PEX7: variants seen among roughly 807,000 people sequenced by gnomAD.
PEX7 encodes PTS2 receptor.
In PEX7, 34 loss-of-function variants were observed where a neutral mutation model predicts 47.5. The ratio of observed to expected loss-of-function variants is 0.72; its 90% CI spans 0.54 to 0.95. The LOEUF (loss-of-function observed/expected upper bound fraction) is 0.95, where lower values mean the gene tolerates loss of function less well. PEX7 is among the 40% of genes least tolerant of loss of function. The pLI is 0.00. For missense variants in PEX7, 394 were observed against 400.3 expected (o/e 0.98, Z 0.13); for synonymous variants, 141 against 148.8 (o/e 0.95, Z 0.38).
intron 3 of PEX7, among the ~76,000 whole-genome samples, chr6:136,843,491 G>T (rs572561423): frequency 1.1e-4 from 17 of 152,284 alleles, no homozygotes; most frequent in African/African-American, 4.1e-4. Context: ...GCTGCTTGGT[G>T]TGTGCTATAA....
chr6:136,899,419 T>G (rs919061061), intron 9 of PEX7, among the ~76,000 whole-genome samples: 6 of 152,144 alleles, frequency 3.9e-5, no homozygotes, highest in African/African-American at 1.4e-4. Context: ...ATTTTTTGTA[T>G]TTTTAGTAGA....
rs375102150 is a variant in PEX7 at position 136,866,604 on chromosome 6, G to T, written c.527-23G>T. 17 of 1,588,734 alleles carry T rather than the reference G, an allele frequency of 1.1e-5. No homozygotes were observed. The African/African-American group carries it at 1.7e-4, about 16-fold the overall frequency. On this transcript the variant is annotated intron_variant, in intron 5 of 9. Coordinates refer to ENST00000318471, the MANE Select transcript of PEX7 (RefSeq NM_000288.4). ...ACATTCAAGTGGTGTGATGGGAAAT[G>T]ATCAAGTCTTCCTTTTTACTAGGTG...
At chr6:136,890,920 C>T (rs1013614126) in intron 8 of PEX7, among the ~76,000 whole-genome samples, 1 of 152,124 alleles carries the variant, frequency 6.6e-6, no homozygotes, top group Non-Finnish European at 1.5e-5. Context: ...TATTCTTATC[C>T]TTAAGATAGT....
intron 3 of PEX7, among the ~76,000 whole-genome samples, chr6:136,842,876 G>A (rs964842231): frequency 4.6e-5 from 7 of 152,140 alleles, no homozygotes; most frequent in Admixed American, 3.3e-4. Flanking sequence ...GGCTTATTTC[G>A]TAAGGGATGT....
At chr6:136,868,886 C>T (rs1391831252) in intron 6 of PEX7, among the ~76,000 whole-genome samples, 1 of 152,064 alleles carries the variant, frequency 6.6e-6, no homozygotes, top group African/African-American at 2.4e-5. Context: ...AGATAAGAGA[C>T]TCACCACTAT....
rs187899052 is a variant in PEX7, at chr6:136,864,178, G to T, written c.527-2449G>T. 2.0e-4 allele frequency among the ~76,000 whole-genome samples: 31 copies of T among 152,146 alleles called. 1 individual carries two copies. In the East Asian group the frequency reaches 5.4e-3, roughly 27 times the overall value. ...CCAAATTCCTACTTTATGTAGTTGT[G>T]ATGTTTTTAGAAAAAATATGTATAA... On this transcript the variant is annotated intron_variant, in intron 5 of 9. Coordinates refer to ENST00000318471, the MANE Select transcript of PEX7 (RefSeq NM_000288.4).
At chr6:136,850,993 TTTTAA>T in intron 5 of PEX7, among the ~76,000 whole-genome samples, 33 of 101,366 alleles carry the variant, frequency 3.3e-4, no homozygotes, top group Middle Eastern at 4.4e-3. Context: ...TTTTTTTTAT[TTTTAA>T]TTTTTTTTTT....
At chr6:136,910,095 T>A (rs1349935075) in intron 9 of PEX7, among the ~76,000 whole-genome samples, 3 of 152,216 alleles carry the variant, frequency 2.0e-5, no homozygotes, top group Non-Finnish European at 4.4e-5. Flanking sequence ...AGGCACTGTT[T>A]TAGTGGATAC....
In PEX7 at chr6:136,886,732, A is replaced by G. The variant is rs1453934622; in HGVS notation, c.804-11410A>G. Among the ~76,000 whole-genome samples, 4 of 149,854 alleles carry G rather than the reference A, an allele frequency of 2.7e-5. No homozygotes were observed. In the South Asian group the frequency reaches 8.4e-4, roughly 31 times the overall value. ...GGACAGTGGTCACCATACAAAGTTGAATATGTCTGGGCATTTGATTCAAAT... is the reference window on the plus strand; with the variant it reads ...GGACAGTGGTCACCATACAAAGTTGGATATGTCTGGGCATTTGATTCAAAT... On this transcript the variant is annotated intron_variant, in intron 8 of 9. Transcript: ENST00000318471.
rs565138132 is a variant in PEX7, at chr6:136,913,396, T to C, written c.904-62T>C. The C allele has an allele frequency of 4.4e-6, 5 of 1,145,296 alleles. No individual in the cohort carries two copies. In the African/African-American group the frequency reaches 4.5e-5, roughly 10 times the overall value. The allele number at this position is 1,145,296 out of a possible 1,614,324, so 70.9% of individuals were successfully genotyped here. A position where few individuals can be genotyped will look rare whatever the true frequency, so the allele number is the denominator to read the frequency against. Reference sequence around the variant, plus strand: ...CACTCTAAATGACTTGAGTTTTTGCTGTCAATTTTGAATTTTTGTATGTCT... The same window carrying C: ...CACTCTAAATGACTTGAGTTTTTGCCGTCAATTTTGAATTTTTGTATGTCT... On this transcript the variant is annotated intron_variant, in intron 9 of 9. Coordinates refer to ENST00000318471, the MANE Select transcript of PEX7 (RefSeq NM_000288.4).
chr6:136,879,341 G>A (rs1775335240), intron 8 of PEX7, among the ~76,000 whole-genome samples: 1 of 152,112 alleles, frequency 6.6e-6, no homozygotes, highest in South Asian at 2.1e-4. Context: ...ACTCTCATAT[G>A]TTTAAAACTA....
intron 8 of PEX7, among the ~76,000 whole-genome samples, chr6:136,897,315 G>A (rs1343295600): frequency 6.6e-6 from 1 of 152,174 alleles, no homozygotes; most frequent in Non-Finnish European, 1.5e-5. Context: ...GATCCTGAAT[G>A]TGCCTGCCAT....
intron 6 of PEX7, among the ~76,000 whole-genome samples, chr6:136,869,605 A>G (rs1775137784): frequency 6.6e-6 from 1 of 152,216 alleles, no homozygotes; most frequent in Non-Finnish European, 1.5e-5. Flanking sequence ...AAGCTGAATT[A>G]GAAAATCCAC....
chr6:136,851,124 A>G (rs868786941), intron 5 of PEX7, among the ~76,000 whole-genome samples: 40 of 70,854 alleles, frequency 5.6e-4, no homozygotes, highest in African/African-American at 2.3e-3. Context: ...AGCATTAGGT[A>G]TATCTCCCAA....
chr6:136,906,575 T>A (rs906320648), intron 9 of PEX7, among the ~76,000 whole-genome samples: 6 of 152,032 alleles, frequency 3.9e-5, no homozygotes, highest in African/African-American at 1.4e-4. Context: ...TTAAGAAGAT[T>A]ATGTTACTTT....
At chr6:136,897,480 A>G (rs1384161034) in intron 8 of PEX7, among the ~76,000 whole-genome samples, 1 of 152,234 alleles carries the variant, frequency 6.6e-6, no homozygotes, top group African/African-American at 2.4e-5. Flanking sequence ...CTTTCAGTCT[A>G]TGGAGGTTAA....
chr6:136,875,042 G>A (rs893152649), intron 8 of PEX7, among the ~76,000 whole-genome samples: 2 of 152,054 alleles, frequency 1.3e-5, no homozygotes, highest in Admixed American at 6.5e-5. Flanking sequence ...GGGAGGCTGA[G>A]GCAGGAGAAT....
chr6:136,849,422 C>G (rs1774694543), intron 5 of PEX7, among the ~76,000 whole-genome samples: 1 of 152,102 alleles, frequency 6.6e-6, no homozygotes, highest in Non-Finnish European at 1.5e-5. Context: ...TCTTGCTTCT[C>G]TAGTTCTTTT....
chr6:136,861,138 G>A (rs539031443), intron 5 of PEX7, among the ~76,000 whole-genome samples: 1 of 152,228 alleles, frequency 6.6e-6, no homozygotes, highest in South Asian at 2.1e-4. Flanking sequence ...AGGCTGGAGT[G>A]CAGCGGCACA....
Sources: gnomAD v4.1 joint callset for allele counts (sites outside exome capture counted in the v4.1 genomes callset) on GRCh38, gnomAD v4.1.1 for gene constraint, MANE v1.5 for transcripts, NCBI Gene and HGNC (gene_info 2026-07-23, HGNC 2026-07-21) for gene names.